Variants in LRRC37A2 observed in about 807,000 individuals in gnomAD.
LRRC37A2 encodes the protein leucine-rich repeat-containing protein 37A2.
Under a neutral mutation model 68.8 loss-of-function variants are expected in LRRC37A2, and 9 were observed. The observed-to-expected ratio is 0.13, with a 90% CI of 0.08 to 0.23. LRRC37A2 has a LOEUF of 0.23. Ranked by LOEUF, LRRC37A2 falls within the 10% of genes least tolerant of loss-of-function variation. LRRC37A2 has a pLI of 1.00. For missense variants in LRRC37A2, 168 were observed against 950.4 expected (o/e 0.18, Z 10.82); for synonymous variants, 63 against 367.6 (o/e 0.17, Z 9.48).
chr17:46,380,862 G>C, the LRRC37A2 span, among the ~76,000 whole-genome samples: 2 of 9,354 alleles, frequency 2.1e-4, 1 homozygote, highest in African/African-American at 2.3e-4. Flanking sequence ...AGGCCGAGGC[G>C]GGCGGATCAC....
At chr17:46,951,739 C>T in the LRRC37A2 span, among the ~76,000 whole-genome samples, 1 of 152,138 alleles carries the variant, frequency 6.6e-6, no homozygotes. Context: ...GAAAAGGAAA[C>T]CTCTAATTTT....
At chr17:47,009,036 A>G in the LRRC37A2 span, among the ~76,000 whole-genome samples, 1 of 152,068 alleles carries the variant, frequency 6.6e-6, no homozygotes. Flanking sequence ...ACTCGCTTCA[A>G]TATGAGGAAT....
chr17:46,754,673 G>A, the LRRC37A2 span, among the ~76,000 whole-genome samples: 22 of 152,188 alleles, frequency 1.4e-4, no homozygotes, highest in African/African-American at 5.3e-4. Context: ...CCTGAACGAA[G>A]CACCTGAAAC....
chr17:46,746,602 C>G, the LRRC37A2 span, among the ~76,000 whole-genome samples: 1 of 152,088 alleles, frequency 6.6e-6, no homozygotes, highest in South Asian at 2.1e-4. Context: ...TATTATAAAT[C>G]TAGTGACATA....
the LRRC37A2 span, among the ~76,000 whole-genome samples, chr17:46,825,769 A>G: frequency 6.6e-6 from 1 of 152,250 alleles, no homozygotes; most frequent in Admixed American, 6.5e-5. Flanking sequence ...CATGCCTATA[A>G]TCCCAGCACT....
chr17:46,853,474 C>T, the LRRC37A2 span, among the ~76,000 whole-genome samples: 3 of 146,698 alleles, frequency 2.0e-5, no homozygotes, highest in African/African-American at 7.6e-5. Flanking sequence ...TGGGTTCAAG[C>T]GATTCTCCTG....
At chr17:47,035,952 T>A in the LRRC37A2 span, among the ~76,000 whole-genome samples, 3 of 152,234 alleles carry the variant, frequency 2.0e-5, no homozygotes, top group African/African-American at 4.8e-5. Context: ...CATTTATATA[T>A]CTTCTTTGAA....
chr17:46,440,316 C>T, the LRRC37A2 span, among the ~76,000 whole-genome samples: 1 of 66,370 alleles, frequency 1.5e-5, no homozygotes, highest in African/African-American at 4.4e-5. Context: ...TAGCCTCCTC[C>T]TGTTGAGCAT....
the LRRC37A2 span, among the ~76,000 whole-genome samples, chr17:46,899,080 C>T: frequency 6.6e-6 from 1 of 151,946 alleles, no homozygotes; most frequent in Non-Finnish European, 1.5e-5. Context: ...ATTATTTGAC[C>T]ATAAAAAGGA....
chr17:46,762,700 C>CAACT, the LRRC37A2 span: 1 of 152,014 alleles, frequency 6.6e-6, no homozygotes, highest in East Asian at 1.9e-4. Flanking sequence ...ACAACTTCTA[C>CAACT]AACTTTTTAC....
chr17:46,789,595 C>CTTGTTA, the LRRC37A2 span, among the ~76,000 whole-genome samples: 100,835 of 151,424 alleles, frequency 0.67, 33,865 homozygotes, highest in African/African-American at 0.7. Flanking sequence ...GAGGTAACCT[C>CTTGTTA]TCAGGGAACA....
At chr17:46,835,566 C>T in the LRRC37A2 span, among the ~76,000 whole-genome samples, 1 of 152,228 alleles carries the variant, frequency 6.6e-6, no homozygotes, top group Admixed American at 6.5e-5. Flanking sequence ...GGTCCACCCT[C>T]ACCTCCTCCA....
chr17:46,853,598 C>T, the LRRC37A2 span, among the ~76,000 whole-genome samples: 1 of 152,034 alleles, frequency 6.6e-6, no homozygotes, highest in Admixed American at 6.6e-5. Flanking sequence ...TCTCGAACTC[C>T]TGATCTCAAT....
chr17:46,935,095 A>G, the LRRC37A2 span: 11 of 1,613,424 alleles, frequency 6.8e-6, no homozygotes, highest in Non-Finnish European at 9.3e-6. Context: ...GAAAGTTCAC[A>G]ACGGCATGGA....
the LRRC37A2 span, among the ~76,000 whole-genome samples, chr17:46,904,818 C>T: frequency 6.6e-6 from 1 of 152,172 alleles, no homozygotes; most frequent in Admixed American, 6.5e-5. Flanking sequence ...GAAACTTTCC[C>T]AACAAAGGCC....
At chr17:46,997,441 C>T in the LRRC37A2 span, among the ~76,000 whole-genome samples, 4 of 152,082 alleles carry the variant, frequency 2.6e-5, no homozygotes, top group African/African-American at 7.2e-5. Flanking sequence ...CTATTAATGT[C>T]ACAAAAAGGA....
the LRRC37A2 span, among the ~76,000 whole-genome samples, chr17:46,839,067 A>G: frequency 6.4e-4 from 98 of 152,114 alleles, no homozygotes; most frequent in Non-Finnish European, 1.0e-3. Context: ...TAGTAGAGAC[A>G]GACTTTCACC....
At chr17:46,816,135 A>ACACACACACT in the LRRC37A2 span, among the ~76,000 whole-genome samples, 4 of 53,808 alleles carry the variant, frequency 7.4e-5, no homozygotes, top group East Asian at 7.1e-3. Flanking sequence ...ACACACTCAC[A>ACACACACACT]CACACGCACG....
the LRRC37A2 span, among the ~76,000 whole-genome samples, chr17:46,774,922 T>C: frequency 6.6e-6 from 1 of 152,162 alleles, no homozygotes; most frequent in Non-Finnish European, 1.5e-5. Context: ...CCAGGGGCAG[T>C]GTGAGCTGGA....
Sources: allele counts gnomAD v4.1 joint callset (sites outside exome capture counted in the v4.1 genomes callset), GRCh38; gene constraint gnomAD v4.1.1; transcripts MANE v1.5; gene names NCBI Gene and HGNC (gene_info 2026-07-23, HGNC 2026-07-21).